Variants in NCALD observed in about 807,000 individuals in gnomAD.
The protein encoded by NCALD is neurocalcin delta.
NCALD carries 10 observed loss-of-function variants against 18.6 expected under a neutral mutation model. The observed-to-expected ratio is 0.54, with a 90% CI of 0.33 to 0.91. The LOEUF (loss-of-function observed/expected upper bound fraction) is 0.91, where lower values mean the gene tolerates loss of function less well. Among genes scored for constraint, NCALD ranks in the 40% least tolerant of loss-of-function variants. The pLI, the probability that NCALD is intolerant of heterozygous loss-of-function variation, is 0.03. For synonymous variants in NCALD, 88 were observed against 87.4 expected (o/e 1.01, Z -0.04); for missense variants, 184 against 247.6 (o/e 0.74, Z 1.72).
intron 2 of NCALD, among the ~76,000 whole-genome samples, chr8:101,920,995 G>A (rs908797785): frequency 2.6e-5 from 4 of 152,034 alleles, no homozygotes; most frequent in African/African-American, 9.7e-5. Context: ...AGGGAAGGAG[G>A]GTATCAAAAG....
intron 2 of NCALD, among the ~76,000 whole-genome samples, chr8:101,974,572 T>C (rs1820355480): frequency 6.6e-6 from 1 of 152,180 alleles, no homozygotes; most frequent in African/African-American, 2.4e-5. Flanking sequence ...TCAGAACAAC[T>C]TGGATCCTGC....
At chr8:102,118,106 T>C (rs780804409) in intron 1 of NCALD, among the ~76,000 whole-genome samples, 1 of 152,232 alleles carries the variant, frequency 6.6e-6, no homozygotes, top group African/African-American at 2.4e-5. Context: ...CAGGCCTTCT[T>C]GCTGTCTGGC....
At chr8:102,026,550 T>C (rs962940923) in intron 1 of NCALD, among the ~76,000 whole-genome samples, 8 of 152,234 alleles carry the variant, frequency 5.3e-5, no homozygotes, top group African/African-American at 1.2e-4. Flanking sequence ...TGGGCTCCCA[T>C]GGCCTTGGAC....
chr8:101,838,922 G>A (rs964986056), intron 4 of NCALD, among the ~76,000 whole-genome samples: 2 of 152,200 alleles, frequency 1.3e-5, no homozygotes, highest in Non-Finnish European at 2.9e-5. Flanking sequence ...GACTTGAGAT[G>A]TTTTTCATCC....
intron 1 of NCALD, among the ~76,000 whole-genome samples, chr8:102,083,649 T>C (rs1306830959): frequency 1.3e-5 from 2 of 152,238 alleles, no homozygotes; most frequent in Non-Finnish European, 2.9e-5. Context: ...TCCCTCCAAG[T>C]AGGCACTCTC....
chr8:101,843,448 A>G (rs555432998), intron 4 of NCALD, among the ~76,000 whole-genome samples: 20 of 150,318 alleles, frequency 1.3e-4, no homozygotes, highest in South Asian at 8.4e-4. Flanking sequence ...ATGTGCATGC[A>G]CACACACACA....
At chr8:101,949,476 A>G (rs1470771359) in intron 2 of NCALD, among the ~76,000 whole-genome samples, 1 of 152,090 alleles carries the variant, frequency 6.6e-6, no homozygotes, top group Non-Finnish European at 1.5e-5. Context: ...CTAGCAGTAC[A>G]TATCTGGTAC....
intron 2 of NCALD, among the ~76,000 whole-genome samples, chr8:102,007,972 C>A (rs557985502): frequency 6.6e-6 from 1 of 152,196 alleles, no homozygotes; most frequent in Admixed American, 6.5e-5. Flanking sequence ...TTAGCCAGTG[C>A]TTTTGGCAAA....
intron 4 of NCALD, among the ~76,000 whole-genome samples, chr8:101,825,040 A>G (rs1007744809): frequency 2.0e-5 from 3 of 152,310 alleles, no homozygotes; most frequent in Admixed American, 6.5e-5. Context: ...AAGTGTCCCA[A>G]TGTAGATACC....
intron 2 of NCALD, among the ~76,000 whole-genome samples, chr8:101,987,862 A>C (rs1028943328): frequency 2.0e-5 from 3 of 152,224 alleles, no homozygotes; most frequent in Non-Finnish European, 4.4e-5. Context: ...TAATTAAAAG[A>C]AGCAACTCAT....
chr8:101,828,791 T>A (rs1461042125), intron 4 of NCALD, among the ~76,000 whole-genome samples: 1 of 152,096 alleles, frequency 6.6e-6, no homozygotes, highest in Non-Finnish European at 1.5e-5. Flanking sequence ...AAATGATCTG[T>A]GTCTCCTAGT....
chr8:101,975,227 G>A (rs1457086605), intron 2 of NCALD: 1 of 152,172 alleles, frequency 6.6e-6, no homozygotes, highest in Non-Finnish European at 1.5e-5. Flanking sequence ...AAAAAATTGT[G>A]TGTACTGGTG....
chr8:101,919,692 A>G (rs549918699), intron 2 of NCALD, among the ~76,000 whole-genome samples: 96 of 147,442 alleles, frequency 6.5e-4, no homozygotes, highest in Admixed American at 3.4e-3. Flanking sequence ...CAAGCAAAAG[A>G]AAAAAAAAAA....
intron 1 of NCALD, among the ~76,000 whole-genome samples, chr8:102,069,061 TTG>T (rs1824098920): frequency 6.6e-6 from 1 of 152,136 alleles, no homozygotes; most frequent in Non-Finnish European, 1.5e-5. Context: ...TGGGGAGATG[TTG>T]TCCAAAGGGT....
intron 2 of NCALD, among the ~76,000 whole-genome samples, chr8:101,963,009 T>C (rs1819891264): frequency 1.3e-5 from 2 of 152,184 alleles, no homozygotes; most frequent in African/African-American, 4.8e-5. Flanking sequence ...GAGCCCTGAT[T>C]CATACCTTTT....
chr8:102,023,213 T>C (rs1822336650), intron 1 of NCALD, among the ~76,000 whole-genome samples: 1 of 152,222 alleles, frequency 6.6e-6, no homozygotes, highest in South Asian at 2.1e-4. Context: ...AATTTAGAGA[T>C]GATGCTATGC....
chr8:102,088,285 G>A (rs1331634874), intron 1 of NCALD, among the ~76,000 whole-genome samples: 1 of 152,142 alleles, frequency 6.6e-6, no homozygotes, highest in Admixed American at 6.5e-5. Context: ...ATATCTGCAT[G>A]ACCTTTACCA....
At chr8:102,094,193 GT>G (rs1450527028) in intron 1 of NCALD, among the ~76,000 whole-genome samples, 2 of 152,162 alleles carry the variant, frequency 1.3e-5, no homozygotes, top group African/African-American at 4.8e-5. Context: ...TAGCCAGAGA[GT>G]TTTTACTTCT....
At chr8:101,707,098 T>G (rs1815563705) in intron 2 of NCALD, among the ~76,000 whole-genome samples, 1 of 152,130 alleles carries the variant, frequency 6.6e-6, no homozygotes, top group African/African-American at 2.4e-5. Flanking sequence ...TAATGTAAGA[T>G]GAACTAGAAA....
Sources: gnomAD v4.1 joint callset for allele counts (sites outside exome capture counted in the v4.1 genomes callset) on GRCh38, gnomAD v4.1.1 for gene constraint, MANE v1.5 for transcripts, NCBI Gene and HGNC (gene_info 2026-07-23, HGNC 2026-07-21) for gene names.